ESRRB: variants seen among roughly 807,000 people sequenced by gnomAD.
ESRRB encodes steroid hormone receptor ERR2.
In ESRRB, 16 loss-of-function variants were observed where a neutral mutation model predicts 46.0. The observed-to-expected ratio is 0.35, with a 90% CI of 0.24 to 0.53. The LOEUF (loss-of-function observed/expected upper bound fraction) is 0.53. Among genes scored for constraint, ESRRB ranks in the 20% least tolerant of loss-of-function variants. The probability of loss-of-function intolerance (pLI) is 0.93; values close to 1 mark genes in which losing one functional copy is unlikely to be tolerated. For missense variants in ESRRB, 488 were observed against 607.4 expected, an observed-to-expected ratio of 0.80 and a Z score of 2.07; for synonymous variants, 246 against 259.6, an observed-to-expected ratio of 0.95 and a Z score of 0.50.
At chr14:76,402,610 G>A (rs936331655) in intron 1 of ESRRB, among the ~76,000 whole-genome samples, 2 of 152,204 alleles carry the variant, frequency 1.3e-5, no homozygotes, top group Non-Finnish European at 2.9e-5. Context: ...GGGCTGTGGT[G>A]CATTTTGAGG....
chr14:76,381,535 T>A (rs547366489), intron 1 of ESRRB, among the ~76,000 whole-genome samples: 121 of 152,302 alleles, frequency 7.9e-4, no homozygotes, highest in Non-Finnish European at 1.2e-3. Flanking sequence ...CAGCAGGCTG[T>A]GCTGGGCCAT....
intron 1 of ESRRB, among the ~76,000 whole-genome samples, chr14:76,384,071 G>A (rs1165226915): frequency 2.0e-5 from 3 of 152,108 alleles, no homozygotes; most frequent in African/African-American, 7.2e-5. Context: ...GTATGCTTTT[G>A]TTTTTGTCTT....
intron 1 of ESRRB, among the ~76,000 whole-genome samples, chr14:76,431,090 G>A (rs936745381): frequency 1.3e-5 from 2 of 152,226 alleles, no homozygotes; most frequent in Non-Finnish European, 2.9e-5. Flanking sequence ...AAGGTCAGGA[G>A]TTCGATACCA....
intron 1 of ESRRB, among the ~76,000 whole-genome samples, chr14:76,409,822 G>A (rs1001297755): frequency 3.9e-5 from 6 of 152,126 alleles, no homozygotes; most frequent in Non-Finnish European, 5.9e-5. Context: ...AGGAAATGAA[G>A]AAGGGAAGGG....
intron 1 of ESRRB, among the ~76,000 whole-genome samples, chr14:76,346,627 C>T (rs1884253665): frequency 6.6e-6 from 1 of 152,200 alleles, no homozygotes; most frequent in Admixed American, 6.5e-5. Flanking sequence ...CCCTCCTTCC[C>T]ATCCCTCAGG....
chr14:76,340,439 G>T (rs569086753), intron 1 of ESRRB, among the ~76,000 whole-genome samples: 16 of 152,274 alleles, frequency 1.1e-4, no homozygotes, highest in African/African-American at 3.9e-4. Context: ...GAATCCTATG[G>T]TTCGGTTCCG....
chr14:76,347,991 T>C (rs986194922), intron 1 of ESRRB, among the ~76,000 whole-genome samples: 2 of 152,184 alleles, frequency 1.3e-5, no homozygotes, highest in Non-Finnish European at 2.9e-5. Flanking sequence ...AAGAATGACA[T>C]CTGAGTATGT....
chr14:76,493,149 CTTTAT>C (rs886083034), intron 6 of ESRRB, among the ~76,000 whole-genome samples: 3 of 151,982 alleles, frequency 2.0e-5, no homozygotes, highest in Non-Finnish European at 4.4e-5. Flanking sequence ...CTTCCAAGCA[CTTTAT>C]TTTATTTTAT....
At chr14:76,481,895 G>C in intron 3 of ESRRB, 121 bp from the exon 4 acceptor site, 1 of 873,156 alleles carries the variant, frequency 1.1e-6, no homozygotes, top group Non-Finnish European at 1.9e-6. Flanking sequence ...TGGGGCAGCT[G>C]TCGAAGGTCA....
At chr14:76,321,065 C>G (rs1399684238) in intron 1 of ESRRB, among the ~76,000 whole-genome samples, 1 of 152,124 alleles carries the variant, frequency 6.6e-6, no homozygotes, top group Non-Finnish European at 1.5e-5. Flanking sequence ...TACTAAATGG[C>G]CTCGATTTTA....
intron 3 of ESRRB, among the ~76,000 whole-genome samples, chr14:76,479,876 A>G (rs1490411548): frequency 6.6e-6 from 1 of 151,946 alleles, no homozygotes; most frequent in East Asian, 1.9e-4. Context: ...CATTTTTTAA[A>G]TTTTCTTTTG....
rs138064600 is a variant in ESRRB at position 76,493,260 on chromosome 14, T to C, written c.1120+1544T>C. Among the ~76,000 whole-genome samples, 626 of 152,290 alleles carry C rather than the reference T, an allele frequency of 4.1e-3. 5 individuals carry two copies. The highest frequency in any genetic ancestry group is 0.014 in the African/African-American group (589 of 41,556). On this transcript the variant is annotated intron_variant, in intron 6 of 6. Coordinates refer to ENST00000644823, the MANE Select transcript of ESRRB (RefSeq NM_001379180.1). ...ACCTCTGCCTCCCGGGTTCAAGCGA[T>C]TCTCGTGTCTCAGCCTTCCGAGTAG...
chr14:76,476,183 A>G (rs1430575530), intron 3 of ESRRB, among the ~76,000 whole-genome samples: 1 of 152,010 alleles, frequency 6.6e-6, no homozygotes, highest in East Asian at 1.9e-4. Flanking sequence ...CATGTATTCC[A>G]GGGATTATCA....
At chr14:76,406,053 A>C (rs1443824756) in intron 1 of ESRRB, among the ~76,000 whole-genome samples, 1 of 152,174 alleles carries the variant, frequency 6.6e-6, no homozygotes, top group Non-Finnish European at 1.5e-5. Context: ...AAACATTTTG[A>C]TCTTGCATTT....
At chr14:76,456,361 C>T (rs1888614367) in intron 2 of ESRRB, among the ~76,000 whole-genome samples, 1 of 152,164 alleles carries the variant, frequency 6.6e-6, no homozygotes. Flanking sequence ...GCCAGAGAAC[C>T]CATAAACTTG....
intron 1 of ESRRB, among the ~76,000 whole-genome samples, chr14:76,386,610 C>G (rs1045408915): frequency 6.6e-6 from 1 of 151,716 alleles, no homozygotes; most frequent in African/African-American, 2.4e-5. Context: ...GTGTGTGCCA[C>G]CACACCTGGG....
chr14:76,340,264 C>T (rs576669657), intron 1 of ESRRB, among the ~76,000 whole-genome samples: 3 of 152,300 alleles, frequency 2.0e-5, no homozygotes, highest in Admixed American at 6.5e-5. Context: ...ATGACTGGAA[C>T]GAGGCGCAGA....
chr14:76,439,781 C>G, intron 2 of ESRRB, 31 bp downstream of exon 2: 1 of 1,609,388 alleles, frequency 6.2e-7, no homozygotes, highest in Non-Finnish European at 8.5e-7. Flanking sequence ...AGCCTGGGCG[C>G]AGGGTTGGGG....
At chr14:76,458,467 C>A (rs1185188717) in intron 2 of ESRRB, among the ~76,000 whole-genome samples, 1 of 79,896 alleles carries the variant, frequency 1.3e-5, no homozygotes, top group Non-Finnish European at 2.7e-5. Flanking sequence ...CACACACACA[C>A]ACAAACACAC....
Sources: gnomAD v4.1 joint callset for allele counts (sites outside exome capture counted in the v4.1 genomes callset) on GRCh38, gnomAD v4.1.1 for gene constraint, MANE v1.5 for transcripts, NCBI Gene and HGNC (gene_info 2026-07-23, HGNC 2026-07-21) for gene names.